The following CADM2 variants were observed in gnomAD, a reference collection of about 807,000 sequenced individuals.
CADM2 encodes the protein cell adhesion molecule 2, also known as immunoglobulin superfamily member 4D.
Under a neutral mutation model 49.8 loss-of-function variants are expected in CADM2, and 12 were observed. That is an observed-to-expected ratio of 0.24 (90% CI 0.15 to 0.39). The LOEUF (loss-of-function observed/expected upper bound fraction) is 0.39, where lower values mean the gene tolerates loss of function less well. Ranked by LOEUF, CADM2 falls within the 10% of genes least tolerant of loss-of-function variation. The probability of loss-of-function intolerance (pLI) is 1.00; values close to 1 mark genes in which losing one functional copy is unlikely to be tolerated. For synonymous variants in CADM2, 214 were observed against 175.4 expected (o/e 1.22, Z -1.74); for missense variants, 378 against 492.3 (o/e 0.77, Z 2.20).
chr3:85,417,617 G>A (rs1277892442), intron 1 of CADM2, among the ~76,000 whole-genome samples: 1 of 152,072 alleles, frequency 6.6e-6, no homozygotes, highest in Non-Finnish European at 1.5e-5. Context: ...TAAACTAACG[G>A]TTGCTGGAAG....
In CADM2 at chr3:85,745,105, GGAAA is replaced by G. The variant is rs1384576971; in HGVS notation, c.88+18560_88+18563del. On this transcript the variant is annotated intron_variant, in intron 2 of 9. Transcript: ENST00000383699. Reference sequence around the variant, plus strand: ...AGTTTGGAGGCAGAATGCAGAGAAAGGAAAGAGTCAAGGGTGTCTCTAAGGCTTT... The same window carrying G: ...AGTTTGGAGGCAGAATGCAGAGAAAGGAGTCAAGGGTGTCTCTAAGGCTTT... 3.3e-5 allele frequency among the ~76,000 whole-genome samples: 5 copies of G among 152,214 alleles called. No homozygotes were observed. The South Asian group carries it at 8.3e-4, about 25-fold the overall frequency.
At chr3:85,217,209 A>C (rs2041947007) in intron 1 of CADM2, among the ~76,000 whole-genome samples, 2 of 151,974 alleles carry the variant, frequency 1.3e-5, no homozygotes, top group East Asian at 3.9e-4. Flanking sequence ...CACTGGCACA[A>C]AATTATGAAG....
intron 8 of CADM2, among the ~76,000 whole-genome samples, chr3:86,029,532 G>A (rs1349739076): frequency 6.6e-6 from 1 of 151,914 alleles, no homozygotes; most frequent in African/African-American, 2.4e-5. Context: ...TATTTAAACA[G>A]TGATTTGCAT....
At chr3:85,746,917 A>G (rs1041635025) in intron 2 of CADM2, among the ~76,000 whole-genome samples, 6 of 152,266 alleles carry the variant, frequency 3.9e-5, no homozygotes, top group South Asian at 2.1e-4. Context: ...GGCTTTTAAA[A>G]TCAAAAAGCT....
At chr3:85,449,493 AG>A (rs1253590206) in intron 1 of CADM2, among the ~76,000 whole-genome samples, 3 of 152,094 alleles carry the variant, frequency 2.0e-5, no homozygotes, top group African/African-American at 7.2e-5. Flanking sequence ...ACAGAATGGA[AG>A]CATGACCTCA....
intron 2 of CADM2, among the ~76,000 whole-genome samples, chr3:85,765,969 A>G (rs1217527919): frequency 6.6e-6 from 1 of 152,104 alleles, no homozygotes; most frequent in Non-Finnish European, 1.5e-5. Flanking sequence ...CCTCATATGC[A>G]AATGAAAGGG....
intron 1 of CADM2, among the ~76,000 whole-genome samples, chr3:85,258,565 C>T (rs893528293): frequency 1.3e-5 from 2 of 151,702 alleles, no homozygotes; most frequent in Non-Finnish European, 2.9e-5. Flanking sequence ...GTCAGGTTGC[C>T]GGAAGAAAGC....
chr3:85,681,435 C>G (rs1229585903), intron 1 of CADM2, among the ~76,000 whole-genome samples: 3 of 152,032 alleles, frequency 2.0e-5, no homozygotes, highest in Non-Finnish European at 2.9e-5. Context: ...ATTTTTCCAT[C>G]TATAACAAAA....
chr3:85,802,186 C>T lies in CADM2; in HGVS notation c.228C>T (p.Asp76=), dbSNP rs370453702. The T allele has an allele frequency of 1.6e-5, 25 of 1,609,320 alleles. No homozygotes were observed. Among genetic ancestry groups the T allele is most frequent in the African/African-American group, 2.7e-5 (2 of 74,690 alleles). Residue 76 remains aspartate, a synonymous_variant, in exon 3 of 10, where the codon GAC becomes GAT. Transcript: ENST00000383699. ...CAGCTCAACAGACTCTGTACTTTGA[C>T]GACAAGAAAGGTGAATACATTTTCT... is the stretch of plus-strand genomic sequence containing the variant. ...SNPAQQTLYF[D]DKKALRDNRI...
intron 8 of CADM2, among the ~76,000 whole-genome samples, chr3:86,036,098 G>T (rs189625953): frequency 1.3e-5 from 2 of 152,140 alleles, no homozygotes; most frequent in East Asian, 3.9e-4. Flanking sequence ...TTGGATGTTA[G>T]GGATTCAATA....
chr3:85,880,532 A>G (rs1269409616), intron 3 of CADM2, among the ~76,000 whole-genome samples: 3 of 152,090 alleles, frequency 2.0e-5, no homozygotes, highest in Non-Finnish European at 4.4e-5. Flanking sequence ...GAACATATTT[A>G]TTTCCTCTTG....
At chr3:85,946,677 C>G (rs950018571) in intron 7 of CADM2, among the ~76,000 whole-genome samples, 2 of 151,980 alleles carry the variant, frequency 1.3e-5, no homozygotes, top group Admixed American at 6.6e-5. Flanking sequence ...ACAAACCTGA[C>G]AAAAACAAGC....
chr3:85,521,629 TTAA>T (rs1172946072), intron 1 of CADM2, among the ~76,000 whole-genome samples: 2 of 152,144 alleles, frequency 1.3e-5, no homozygotes. Context: ...TTAAAGCCCC[TTAA>T]TTATTATTTA....
At chr3:85,594,772 T>C (rs1230597302) in intron 1 of CADM2, among the ~76,000 whole-genome samples, 1 of 152,064 alleles carries the variant, frequency 6.6e-6, no homozygotes, top group Non-Finnish European at 1.5e-5. Flanking sequence ...GTTTATAAAA[T>C]GCTATGACAA....
intron 8 of CADM2, among the ~76,000 whole-genome samples, chr3:86,017,762 G>A (rs1431791452): frequency 2.7e-5 from 4 of 149,780 alleles, no homozygotes; most frequent in Non-Finnish European, 5.9e-5. Context: ...GAAGAAGAAA[G>A]GGATTTCTTT....
intron 1 of CADM2, among the ~76,000 whole-genome samples, chr3:85,023,318 T>TATTACTTATAAG (rs2034587847): frequency 1.3e-5 from 2 of 152,124 alleles, no homozygotes; most frequent in Admixed American, 6.5e-5. Context: ...TAGGGCTGGT[T>TATTACTTATAAG]TGCAGGGTAT....
intron 1 of CADM2, among the ~76,000 whole-genome samples, chr3:85,724,132 A>G (rs2067603494): frequency 6.6e-6 from 1 of 152,066 alleles, no homozygotes; most frequent in Admixed American, 6.5e-5. Flanking sequence ...AACAAATAGT[A>G]GGTAAAGTTA....
intron 1 of CADM2, among the ~76,000 whole-genome samples, chr3:85,490,137 G>A (rs758077788): frequency 6.0e-4 from 91 of 152,030 alleles, no homozygotes; most frequent in Non-Finnish European, 1.2e-3. Flanking sequence ...TCTTCTACTT[G>A]TATTTTCTTA....
At chr3:85,974,457 A>C (rs1323361561) in intron 8 of CADM2, among the ~76,000 whole-genome samples, 1 of 151,766 alleles carries the variant, frequency 6.6e-6, no homozygotes, top group South Asian at 2.1e-4. Flanking sequence ...CCTATGAGGA[A>C]CTCTAGCCCC....
Sources: gnomAD v4.1 joint callset for allele counts (sites outside exome capture counted in the v4.1 genomes callset) on GRCh38, gnomAD v4.1.1 for gene constraint, MANE v1.5 for transcripts, NCBI Gene and HGNC (gene_info 2026-07-23, HGNC 2026-07-21) for gene names.